The following HMGN5 variants were observed in gnomAD, a reference collection of about 807,000 sequenced individuals.
The protein encoded by HMGN5 is high mobility group nucleosome binding domain 5.
Under a neutral mutation model 9.5 loss-of-function variants are expected in HMGN5, and 4 were observed. The observed-to-expected ratio is 0.42, with a 90% CI of 0.21 to 0.96. The LOEUF (loss-of-function observed/expected upper bound fraction) is 0.96. Ranked by LOEUF, HMGN5 falls within the 40% of genes least tolerant of loss-of-function variation. The probability of loss-of-function intolerance (pLI) is 0.30; values close to 1 mark genes in which losing one functional copy is unlikely to be tolerated. For synonymous variants in HMGN5, 55 were observed against 57.1 expected, an observed-to-expected ratio of 0.96 and a Z score of 0.16; for missense variants, 192 against 187.5, an observed-to-expected ratio of 1.02 and a Z score of -0.14.
chrX:81,114,617 G>T lies in HMGN5; in HGVS notation c.*32C>A. 9.4e-7 allele frequency: 1 copy of T among 1,065,853 alleles called. No homozygotes were observed. The highest frequency in any genetic ancestry group is 1.2e-6 in the Non-Finnish European group (1 of 824,020). 87.8% of individuals were successfully genotyped at this position (1,065,853 alleles called of 1,213,427 possible). A position where few individuals can be genotyped will look rare whatever the true frequency, so the allele number is the denominator to read the frequency against. ...TTAACTTTACAACATGAAGGTACAT[G>T]TTACCAAATTATGAAACTACATAGG... On this transcript the variant is annotated 3_prime_UTR_variant, in exon 7 of 7. Coordinates refer to ENST00000358130, the MANE Select transcript of HMGN5 (RefSeq NM_030763.3).
chrX:81,169,381 A>T (rs911540851), intron 1 of HMGN5, among the ~76,000 whole-genome samples: 9 of 111,939 alleles, frequency 8.0e-5, no homozygotes, highest in African/African-American at 2.9e-4. Flanking sequence ...TACATGGAAG[A>T]GTATAATAAA....
In HMGN5 at chrX:81,114,536, T is replaced by A. The variant is rs773124213; in HGVS notation, c.*113A>T. 164 of 674,627 alleles carry A rather than the reference T, an allele frequency of 2.4e-4. No homozygotes were observed. In the African/African-American group the frequency reaches 2.7e-3, roughly 11 times the overall value. The allele number at this position is 674,627 out of a possible 1,213,427, so 55.6% of individuals were successfully genotyped here. A position where few individuals can be genotyped will look rare whatever the true frequency, so the allele number is the denominator to read the frequency against. ...AATATGAAGATGTTCTGAAATTAAATCAATGCTAAAGAAAGGCTGTGTTTA... is the reference window on the plus strand; with the variant it reads ...AATATGAAGATGTTCTGAAATTAAAACAATGCTAAAGAAAGGCTGTGTTTA... On this transcript the variant is annotated 3_prime_UTR_variant, in exon 7 of 7. Coordinates refer to ENST00000358130, the MANE Select transcript of HMGN5 (RefSeq NM_030763.3).
At chrX:81,119,766 T>A in intron 3 of HMGN5, 22 bp downstream of exon 3, 1 of 1,192,011 alleles carries the variant, frequency 8.4e-7, no homozygotes, top group Non-Finnish European at 1.1e-6. Context: ...TCCTAATAGA[T>A]GCTAAGACTA....
At chrX:81,194,796 T>G (rs946689274) in intron 1 of HMGN5, among the ~76,000 whole-genome samples, 13 of 112,003 alleles carry the variant, frequency 1.2e-4, no homozygotes, top group African/African-American at 4.2e-4. Context: ...GGCTTCATAT[T>G]ACAAGGATAA....
At chrX:81,195,090 G>C (rs182565946) in intron 1 of HMGN5, 19 of 111,269 alleles carry the variant, frequency 1.7e-4, no homozygotes, top group Admixed American at 1.4e-3. Flanking sequence ...ATATATAAAG[G>C]GGAATTTATT....
Position 81,179,556 on chromosome X carries a change from C to T in HMGN5, c.-124+22181G>A, listed in dbSNP as rs190378361. Among the ~76,000 whole-genome samples the T allele has an allele frequency of 3.8e-3, 423 of 111,217 alleles. 2 individuals carry two copies. Among genetic ancestry groups the T allele is most frequent in the Non-Finnish European group, 6.5e-3 (346 of 52,970 alleles). On this transcript the variant is annotated intron_variant, in intron 1 of 6. Coordinates refer to ENST00000358130, the MANE Select transcript of HMGN5 (RefSeq NM_030763.3). Reference sequence around the variant, plus strand: ...CACTGCTCAATGAAATAAAAGAGGACACAAACAAATGGAAAAACATTCCAT... The same window carrying T: ...CACTGCTCAATGAAATAAAAGAGGATACAAACAAATGGAAAAACATTCCAT...
intron 1 of HMGN5, among the ~76,000 whole-genome samples, chrX:81,199,333 C>G (rs768698807): frequency 8.9e-6 from 1 of 112,132 alleles, no homozygotes; most frequent in South Asian, 3.7e-4. Context: ...AATGCTATCC[C>G]CATCAAGCTA....
chrX:81,147,459 C>T (rs1290532601), intron 1 of HMGN5, among the ~76,000 whole-genome samples: 1 of 111,367 alleles, frequency 9.0e-6, no homozygotes, highest in Non-Finnish European at 1.9e-5. Context: ...GCTCAATATA[C>T]TAGGTATTGA....
intron 1 of HMGN5, among the ~76,000 whole-genome samples, chrX:81,123,192 ATAT>A (rs1159208802): frequency 9.1e-6 from 1 of 110,044 alleles, no homozygotes; most frequent in Non-Finnish European, 1.9e-5. Flanking sequence ...TACTATTGCT[ATAT>A]TATTTTTATT....
intron 1 of HMGN5, among the ~76,000 whole-genome samples, chrX:81,140,465 C>G (rs1045031594): frequency 1.9e-5 from 2 of 104,790 alleles, no homozygotes; most frequent in Non-Finnish European, 3.9e-5. Context: ...GAGGCTGAGG[C>G]AGGAGAATGG....
intron 1 of HMGN5, among the ~76,000 whole-genome samples, chrX:81,198,595 T>A (rs1218534458): frequency 1.8e-5 from 2 of 111,779 alleles, no homozygotes; most frequent in Non-Finnish European, 3.8e-5. Context: ...ATTAATGTAA[T>A]CCATCACATA....
At chrX:81,165,603 C>G (rs1292407581) in intron 1 of HMGN5, among the ~76,000 whole-genome samples, 1 of 111,285 alleles carries the variant, frequency 9.0e-6, no homozygotes, top group Non-Finnish European at 1.9e-5. Context: ...CGTAAGTTAA[C>G]TTAATTTTGA....
At chrX:81,121,421 A>G in intron 2 of HMGN5, 114 bp downstream of exon 2, 1 of 778,273 alleles carries the variant, frequency 1.3e-6, no homozygotes, top group South Asian at 2.2e-5. Flanking sequence ...TTACATCACA[A>G]AATGGAAGAA....
At chrX:81,129,717 G>A (rs1015722064) in intron 1 of HMGN5, among the ~76,000 whole-genome samples, 2 of 111,314 alleles carry the variant, frequency 1.8e-5, no homozygotes, top group African/African-American at 6.5e-5. Context: ...GGAGTGAGTG[G>A]GGGATACAGC....
At chrX:81,152,923 C>G (rs1385287362) in intron 1 of HMGN5, among the ~76,000 whole-genome samples, 2 of 98,245 alleles carry the variant, frequency 2.0e-5, no homozygotes, top group African/African-American at 7.6e-5. Context: ...CATGTTCTCA[C>G]TCTTAGATGG....
At chrX:81,119,153 T>C (rs2147536274) in intron 3 of HMGN5, among the ~76,000 whole-genome samples, 1 of 111,809 alleles carries the variant, frequency 8.9e-6, no homozygotes, top group Non-Finnish European at 1.9e-5. Flanking sequence ...TTTTAATACT[T>C]ACTATATATA....
intron 1 of HMGN5, among the ~76,000 whole-genome samples, chrX:81,174,839 A>C (rs2075436817): frequency 9.0e-6 from 1 of 111,507 alleles, no homozygotes; most frequent in African/African-American, 3.3e-5. Context: ...TTTTTTCCTA[A>C]GAGTAGCATT....
Position 81,115,163 on chromosome X carries a change from C to A in HMGN5, c.335G>T (p.Gly112Val). Residue 112 changes from glycine (G) to valine (V), a missense_variant, in exon 7 of 7, where the codon GGA becomes GTA. Gly to Val is a moderately radical substitution (Grantham distance 109). Transcript: ENST00000358130. ...TGCCACTGCTTCTTTCTTTTCTCCT[C>A]CCTTTTCTGTGGCATCTTCAATATT... ...EENIEDATEK[G>V]GEKKEAVAAE... The A allele has an allele frequency of 8.5e-7, 1 of 1,170,714 alleles. No homozygotes were observed. The highest frequency in any genetic ancestry group is 2.0e-5 in the South Asian group (1 of 50,122).
intron 1 of HMGN5, among the ~76,000 whole-genome samples, chrX:81,134,050 C>T (rs1019838544): frequency 9.0e-5 from 10 of 110,778 alleles, no homozygotes; most frequent in Admixed American, 1.9e-4. Flanking sequence ...AATAAATGAA[C>T]GAATTTATTA....
Sources: allele counts gnomAD v4.1 joint callset (sites outside exome capture counted in the v4.1 genomes callset), GRCh38; gene constraint gnomAD v4.1.1; transcripts MANE v1.5; gene names NCBI Gene and HGNC (gene_info 2026-07-23, HGNC 2026-07-21).